PLCB1: variants seen among roughly 807,000 people sequenced by gnomAD.
PLCB1 encodes 1-phosphatidylinositol 4,5-bisphosphate phosphodiesterase beta-1.
In PLCB1, 46 loss-of-function variants were observed where a neutral mutation model predicts 161.8. That is an observed-to-expected ratio of 0.28 (90% CI 0.22 to 0.36). The LOEUF (loss-of-function observed/expected upper bound fraction) is 0.36, where lower values mean the gene tolerates loss of function less well. Ranked by LOEUF, PLCB1 falls within the 10% of genes least tolerant of loss-of-function variation. The pLI is 1.00. For synonymous variants in PLCB1, 517 were observed against 503.7 expected, an observed-to-expected ratio of 1.03 and a Z score of -0.35; for missense variants, 1,016 against 1,472.5, an observed-to-expected ratio of 0.69 and a Z score of 5.07.
At chr20:8,579,317 G>A (rs989797520) in intron 3 of PLCB1, among the ~76,000 whole-genome samples, 1 of 152,186 alleles carries the variant, frequency 6.6e-6, no homozygotes, top group African/African-American at 2.4e-5. Flanking sequence ...GAATCACATG[G>A]GCTAGAGCTG....
intron 4 of PLCB1, among the ~76,000 whole-genome samples, chr20:8,637,656 A>G (rs916981237): frequency 3.3e-5 from 5 of 152,236 alleles, no homozygotes; most frequent in Admixed American, 3.3e-4. Context: ...ACTTAAAAAG[A>G]TAAATATATA....
At chr20:8,376,765 A>G (rs531256492) in intron 3 of PLCB1, among the ~76,000 whole-genome samples, 43 of 152,126 alleles carry the variant, frequency 2.8e-4, no homozygotes, top group Admixed American at 1.7e-3. Flanking sequence ...CGTCTCTACT[A>G]AAAATACAAA....
At chr20:8,239,552 A>G (rs1980500571) in intron 2 of PLCB1, among the ~76,000 whole-genome samples, 1 of 151,790 alleles carries the variant, frequency 6.6e-6, no homozygotes, top group Non-Finnish European at 1.5e-5. Context: ...TTTACCAAAT[A>G]GTGCTTCAGT....
chr20:8,378,109 G>A lies in PLCB1; in HGVS notation c.246+6659G>A, dbSNP rs115985054. Among the ~76,000 whole-genome samples, 560 of 152,272 alleles carry A rather than the reference G, an allele frequency of 3.7e-3. 5 individuals carry two copies. The highest frequency in any genetic ancestry group is 0.013 in the African/African-American group (536 of 41,550). Reference sequence around the variant, plus strand: ...CTTGAACAGACACTTGTGTACCAACGTCCATCGATGGATGAGTGGATATAC... The same window carrying A: ...CTTGAACAGACACTTGTGTACCAACATCCATCGATGGATGAGTGGATATAC... On this transcript the variant is annotated intron_variant, in intron 3 of 31. Transcript: ENST00000338037.
chr20:8,262,659 G>A (rs534795471), intron 2 of PLCB1, among the ~76,000 whole-genome samples: 3 of 152,222 alleles, frequency 2.0e-5, no homozygotes, highest in South Asian at 2.1e-4. Flanking sequence ...CTCTCTTTTC[G>A]TACAGGCTGC....
chr20:8,192,763 A>G (rs990738447), intron 2 of PLCB1, among the ~76,000 whole-genome samples: 1 of 151,958 alleles, frequency 6.6e-6, no homozygotes, highest in Admixed American at 6.6e-5. Flanking sequence ...AGGGAAGAGA[A>G]TAAGAAATGA....
intron 2 of PLCB1, among the ~76,000 whole-genome samples, chr20:8,209,226 A>G (rs1978691576): frequency 6.6e-6 from 1 of 151,994 alleles, no homozygotes; most frequent in African/African-American, 2.4e-5. Context: ...GTAAGTAAGT[A>G]TTGAGGTTAC....
At chr20:8,634,637 GA>G (rs1346271275) in intron 4 of PLCB1, among the ~76,000 whole-genome samples, 1 of 152,180 alleles carries the variant, frequency 6.6e-6, no homozygotes, top group Non-Finnish European at 1.5e-5. Context: ...ATCTGCATAA[GA>G]ATGGCCTTTT....
chr20:8,262,569 G>A (rs1981756715), intron 2 of PLCB1, among the ~76,000 whole-genome samples: 1 of 152,188 alleles, frequency 6.6e-6, no homozygotes, highest in South Asian at 2.1e-4. Flanking sequence ...CACTGGAAGA[G>A]TCTAGGTGTA....
intron 2 of PLCB1, among the ~76,000 whole-genome samples, chr20:8,259,365 A>G (rs1031299099): frequency 2.0e-5 from 3 of 152,108 alleles, no homozygotes; most frequent in African/African-American, 7.2e-5. Flanking sequence ...GCCTCTAATT[A>G]GAGCACTTTG....
At chr20:8,166,658 C>A (rs930016532) in intron 2 of PLCB1, among the ~76,000 whole-genome samples, 1 of 152,076 alleles carries the variant, frequency 6.6e-6, no homozygotes, top group Non-Finnish European at 1.5e-5. Context: ...GGTCCTGGTG[C>A]CTTATTAAAG....
chr20:8,327,223 G>C (rs1985190582), intron 2 of PLCB1, among the ~76,000 whole-genome samples: 1 of 152,192 alleles, frequency 6.6e-6, no homozygotes, highest in African/African-American at 2.4e-5. Flanking sequence ...CCAGAGGGCA[G>C]TTTAATGTGA....
At chr20:8,266,685 C>T (rs1346642316) in intron 2 of PLCB1, among the ~76,000 whole-genome samples, 3 of 152,170 alleles carry the variant, frequency 2.0e-5, no homozygotes, top group African/African-American at 4.8e-5. Context: ...CCCAACTGGA[C>T]TTTTAAAATA....
chr20:8,666,799 C>T (rs993188916), intron 9 of PLCB1, among the ~76,000 whole-genome samples: 44 of 152,056 alleles, frequency 2.9e-4, no homozygotes, highest in Admixed American at 1.2e-3. Flanking sequence ...AACAAAGTCT[C>T]GTGAGAAAGG....
chr20:8,872,553 C>T (rs557808636), intron 31 of PLCB1, among the ~76,000 whole-genome samples: 84 of 152,222 alleles, frequency 5.5e-4, no homozygotes, highest in African/African-American at 1.7e-3. Context: ...CCGAGGAACC[C>T]GAACATTCTG....
intron 2 of PLCB1, among the ~76,000 whole-genome samples, chr20:8,346,731 C>A (rs1986009313): frequency 6.6e-6 from 1 of 152,082 alleles, no homozygotes; most frequent in Non-Finnish European, 1.5e-5. Flanking sequence ...AAAGCCTCTC[C>A]CTGTCCCAAG....
chr20:8,650,722 AC>A (rs1306186308), intron 7 of PLCB1, among the ~76,000 whole-genome samples: 1 of 152,058 alleles, frequency 6.6e-6, no homozygotes, highest in Non-Finnish European at 1.5e-5. Flanking sequence ...ATTTCATCTC[AC>A]CTTAGCATTT....
intron 18 of PLCB1, among the ~76,000 whole-genome samples, chr20:8,732,404 A>C (rs1273324457): frequency 6.6e-6 from 1 of 151,864 alleles, no homozygotes; most frequent in Non-Finnish European, 1.5e-5. Context: ...TCATAAGAAA[A>C]TCACTGATCA....
intron 2 of PLCB1, among the ~76,000 whole-genome samples, chr20:8,183,569 A>G (rs1268251431): frequency 6.6e-6 from 1 of 152,248 alleles, no homozygotes; most frequent in African/African-American, 2.4e-5. Context: ...TATGTTTATG[A>G]TGAATTTGAA....
Sources: gnomAD v4.1 joint callset for allele counts (sites outside exome capture counted in the v4.1 genomes callset) on GRCh38, gnomAD v4.1.1 for gene constraint, MANE v1.5 for transcripts, NCBI Gene and HGNC (gene_info 2026-07-23, HGNC 2026-07-21) for gene names.